Variants in ADGRL3 observed in about 807,000 individuals in gnomAD.
ADGRL3 encodes the protein calcium-independent alpha-latrotoxin receptor 3.
In ADGRL3, 62 loss-of-function variants were observed where a neutral mutation model predicts 153.5. The observed-to-expected ratio is 0.40, with a 90% CI of 0.33 to 0.50. The LOEUF is 0.50. ADGRL3 is among the 20% of genes least tolerant of loss of function. The probability of loss-of-function intolerance (pLI) is 0.47; values close to 1 mark genes in which losing one functional copy is unlikely to be tolerated. For missense variants in ADGRL3, 1,641 were observed against 1,859.4 expected (o/e 0.88, Z 2.16); for synonymous variants, 710 against 672.5 (o/e 1.06, Z -0.86).
intron 1 of ADGRL3, among the ~76,000 whole-genome samples, chr4:61,227,642 AAT>A (rs1210659068): frequency 3.3e-5 from 5 of 152,188 alleles, no homozygotes; most frequent in African/African-American, 1.2e-4. Context: ...CATGAAATAT[AAT>A]GTTTTTCCTC....
intron 2 of ADGRL3, among the ~76,000 whole-genome samples, chr4:61,487,663 T>A (rs1016067146): frequency 2.0e-5 from 3 of 152,078 alleles, no homozygotes; most frequent in Non-Finnish European, 2.9e-5. Context: ...TTAAATGGCA[T>A]ATTGTTAATA....
At chr4:61,825,077 G>GA (rs2097788803) in intron 9 of ADGRL3, among the ~76,000 whole-genome samples, 1 of 152,156 alleles carries the variant, frequency 6.6e-6, no homozygotes, top group Non-Finnish European at 1.5e-5. Flanking sequence ...CTTTGCTAGT[G>GA]ATAGCTCTGG....
intron 1 of ADGRL3, among the ~76,000 whole-genome samples, chr4:61,352,393 C>T (rs1002155045): frequency 1.1e-4 from 16 of 151,682 alleles, no homozygotes; most frequent in Admixed American, 1.1e-3. Flanking sequence ...GTAAACATAA[C>T]CTTTTTTTTT....
At chr4:61,575,309 T>C (rs1012222470) in intron 4 of ADGRL3, among the ~76,000 whole-genome samples, 2 of 152,002 alleles carry the variant, frequency 1.3e-5, no homozygotes, top group African/African-American at 4.8e-5. Flanking sequence ...AGAGAACAGA[T>C]GCTTTATGAG....
At position 61,892,831 on chromosome 4, in the gene ADGRL3, T is replaced by A. The variant is rs2098598269; in HGVS notation, c.1656T>A (p.Leu552=). The A allele has an allele frequency of 6.2e-7, 1 of 1,613,490 alleles. No individual in the cohort carries two copies. The highest frequency in any genetic ancestry group is 1.7e-5 in the Admixed American group (1 of 59,960). ...VEVLDDMTTH[L]PSASSQIPAL... ...TACTTGATGACATGACCACACACCTTCCATCAGCATCGTCCCAAATCCCAG... is the reference window on the plus strand; with the variant it reads ...TACTTGATGACATGACCACACACCTACCATCAGCATCGTCCCAAATCCCAG... The change falls in exon 10 of 27, where the codon CTT becomes CTA. Residue 552 remains leucine (L), a synonymous_variant. Coordinates refer to ENST00000683033, the MANE Select transcript of ADGRL3 (RefSeq NM_001387552.1).
intron 24 of ADGRL3, among the ~76,000 whole-genome samples, chr4:62,038,520 GGATGTTAA>G (rs1346725715): frequency 1.3e-5 from 2 of 152,096 alleles, no homozygotes; most frequent in Admixed American, 1.3e-4. Context: ...AGCAACTCTT[GGATGTTAA>G]GATGAGCCAG....
chr4:61,533,540 A>G (rs1481149484), intron 4 of ADGRL3, among the ~76,000 whole-genome samples: 1 of 152,216 alleles, frequency 6.6e-6, no homozygotes, highest in Non-Finnish European at 1.5e-5. Context: ...AGTAACTAGA[A>G]GATAAACCAT....
intron 2 of ADGRL3, among the ~76,000 whole-genome samples, chr4:61,409,394 A>G (rs1209791471): frequency 1.1e-5 from 1 of 90,442 alleles, no homozygotes; most frequent in Non-Finnish European, 2.4e-5. Context: ...TATATATATT[A>G]GACATACATA....
rs891457039 is a variant in ADGRL3, at chr4:61,236,232, A to G, written c.-240+34467A>G. Among the ~76,000 whole-genome samples, 3 of 150,808 alleles carry G rather than the reference A, an allele frequency of 2.0e-5. No homozygotes were observed. In the South Asian group the frequency reaches 6.3e-4, roughly 31 times the overall value. ...ACCCTGTTGGCCAGGCTGGTCTCGA[A>G]CTCCTGACCTCAGGTGATCTGCCCA... On this transcript the variant is annotated intron_variant, in intron 1 of 26. Transcript: ENST00000683033.
intron 3 of ADGRL3, among the ~76,000 whole-genome samples, chr4:61,508,691 A>G (rs2098445444): frequency 6.6e-6 from 1 of 152,116 alleles, no homozygotes; most frequent in South Asian, 2.1e-4. Flanking sequence ...CAGGGTAATG[A>G]GCATACTACC....
At chr4:61,959,232 T>C (rs1421542747) in intron 17 of ADGRL3, among the ~76,000 whole-genome samples, 3 of 152,192 alleles carry the variant, frequency 2.0e-5, no homozygotes, top group African/African-American at 7.2e-5. Context: ...TTCAAAGTAA[T>C]TAAATTAACA....
intron 5 of ADGRL3, among the ~76,000 whole-genome samples, chr4:61,675,644 T>TTTATTTATTTATTTAC (rs2095163760): frequency 2.5e-3 from 2 of 800 alleles, no homozygotes; most frequent in Admixed American, 0.029. Flanking sequence ...CTTAGAAAGT[T>TTTATTTATTTATTTAC]TTATTTATTT....
chr4:61,275,124 TG>T (rs758428730), intron 1 of ADGRL3, among the ~76,000 whole-genome samples: 8 of 152,168 alleles, frequency 5.3e-5, no homozygotes, highest in Non-Finnish European at 1.2e-4. Context: ...GGAGTCAACC[TG>T]CTATACTGCC....
chr4:61,888,744 G>A (rs191428246), intron 9 of ADGRL3, among the ~76,000 whole-genome samples: 228 of 152,224 alleles, frequency 1.5e-3, no homozygotes, highest in African/African-American at 5.2e-3. Flanking sequence ...CCTAACATTA[G>A]TATGTCTATT....
At chr4:61,822,094 G>A (rs2097761354) in intron 9 of ADGRL3, among the ~76,000 whole-genome samples, 6 of 152,140 alleles carry the variant, frequency 3.9e-5, no homozygotes, top group Admixed American at 3.9e-4. Context: ...ACATTACAGG[G>A]GGAGGGAACA....
chr4:61,598,039 A>G (rs1306896081), intron 5 of ADGRL3, among the ~76,000 whole-genome samples: 3 of 152,138 alleles, frequency 2.0e-5, no homozygotes, highest in Non-Finnish European at 4.4e-5. Flanking sequence ...AGGTAATTCA[A>G]GTAGATCATC....
At position 62,004,577 on chromosome 4, in the gene ADGRL3, C is replaced by T. The variant is rs572830985; in HGVS notation, c.3395+6312C>T. Among the ~76,000 whole-genome samples the T allele has an allele frequency of 5.3e-5, 8 of 151,982 alleles. No homozygotes were observed. In the South Asian group the frequency reaches 1.7e-3, roughly 32 times the overall value. ...TATATTTTATTCATGGTTTGTCTTT[C>T]ACCATCAAAGCTATTCAATTAAAAT... On this transcript the variant is annotated intron_variant, in intron 21 of 26. Transcript: ENST00000683033.
At chr4:61,636,183 A>C (rs561375643) in intron 5 of ADGRL3, among the ~76,000 whole-genome samples, 2 of 152,252 alleles carry the variant, frequency 1.3e-5, no homozygotes, top group Admixed American at 1.3e-4. Context: ...TGTGAATGTT[A>C]CTTCCCTCAG....
chr4:61,774,083 A>T (rs1340361785), intron 8 of ADGRL3, among the ~76,000 whole-genome samples: 2 of 152,124 alleles, frequency 1.3e-5, no homozygotes, highest in Non-Finnish European at 2.9e-5. Flanking sequence ...CAGGCCGGGC[A>T]TGGTGCCTCA....
Sources: gnomAD v4.1 joint callset for allele counts (sites outside exome capture counted in the v4.1 genomes callset) on GRCh38, gnomAD v4.1.1 for gene constraint, MANE v1.5 for transcripts, NCBI Gene and HGNC (gene_info 2026-07-23, HGNC 2026-07-21) for gene names.